MASTL: variants seen among roughly 807,000 people sequenced by gnomAD.
MASTL encodes the protein microtubule associated serine/threonine kinase like.
MASTL carries 54 observed loss-of-function variants against 82.5 expected under a neutral mutation model. The ratio of observed to expected loss-of-function variants is 0.65; its 90% CI spans 0.53 to 0.82. The LOEUF is 0.82. MASTL is among the 40% of genes least tolerant of loss of function. The pLI, the probability that MASTL is intolerant of heterozygous loss-of-function variation, is 0.00. For synonymous variants in MASTL, 323 were observed against 368.9 expected, an observed-to-expected ratio of 0.88 and a Z score of 1.43; for missense variants, 950 against 1,047.8, an observed-to-expected ratio of 0.91 and a Z score of 1.29.
chr10:27,161,559 A>G (rs1206062669), intron 4 of MASTL, among the ~76,000 whole-genome samples: 1 of 152,040 alleles, frequency 6.6e-6, no homozygotes, highest in Non-Finnish European at 1.5e-5. Context: ...AAAAAAAATG[A>G]AAAGTCTAAC....
rs578061926 is a variant in MASTL at position 27,166,625 on chromosome 10, A to G, written c.812-477A>G. 2.0e-5 allele frequency among the ~76,000 whole-genome samples: 3 copies of G among 152,190 alleles called. No individual in the cohort carries two copies. In the South Asian group the frequency reaches 6.2e-4, roughly 32 times the overall value. On this transcript the variant is annotated intron_variant, in intron 6 of 11. Coordinates refer to ENST00000375940, the MANE Select transcript of MASTL (RefSeq NM_001172303.3). ...CCCATCTCTAGAAAAAATTAAAAGC[A>G]TTAGCCAGATTTGGTGGTCCTCACG...
At chr10:27,163,114 AC>A (rs1424839880) in intron 4 of MASTL, among the ~76,000 whole-genome samples, 2 of 152,016 alleles carry the variant, frequency 1.3e-5, no homozygotes, top group East Asian at 3.9e-4. Flanking sequence ...ACACAGTTTC[AC>A]CATGTTGGCC....
At position 27,159,403 on chromosome 10, in the gene MASTL, G is replaced by A. The variant is rs945493769; in HGVS notation, c.325-216G>A. Among the ~76,000 whole-genome samples, 4 of 152,226 alleles carry A rather than the reference G, an allele frequency of 2.6e-5. No individual in the cohort carries two copies. Among genetic ancestry groups the A allele is most frequent in the South Asian group, 2.1e-4 (1 of 4,822 alleles). On this transcript the variant is annotated intron_variant, in intron 2 of 11. Coordinates refer to ENST00000375940, the MANE Select transcript of MASTL (RefSeq NM_001172303.3). This position sits in a 1 kb window ranked among gnomAD's most constrained non-coding sequence, Gnocchi z 4.0. The stretch of plus-strand genomic sequence containing the variant: ...CTCCCAAAGTGCTGAGATTATAGGC[G>A]TGAGTCACTGTGCCCAGCCTAAACA...
In MASTL at chr10:27,170,107, G is replaced by A. The variant is rs758121637; in HGVS notation, c.1148G>A (p.Arg383His). The A allele has an allele frequency of 1.1e-5, 17 of 1,614,092 alleles. No homozygotes were observed. Among genetic ancestry groups the A allele is most frequent in the Middle Eastern group, 1.6e-4 (1 of 6,062 alleles). Residue 383 changes from arginine to histidine, a missense_variant, in exon 8 of 12, where the codon CGC (arginine) becomes CAC (histidine). Arg to His is a conservative substitution (Grantham distance 29). Coordinates refer to ENST00000375940, the MANE Select transcript of MASTL (RefSeq NM_001172303.3). ...AGCAGTGCCCTTCCCACCACTGGACGCTCTTGTGTAAACCTTGCTAAAAAA... is the reference window on the plus strand; with the variant it reads ...AGCAGTGCCCTTCCCACCACTGGACACTCTTGTGTAAACCTTGCTAAAAAA... ...HNSSALPTTG[R>H]SCVNLAKKCF...
intron 9 of MASTL, among the ~76,000 whole-genome samples, chr10:27,179,875 T>C (rs757905016): frequency 1.3e-5 from 2 of 152,206 alleles, no homozygotes; most frequent in African/African-American, 2.4e-5. Context: ...TTTCCTGATA[T>C]GAAATTGAGT....
chr10:27,177,263 C>T (rs1205262494), intron 9 of MASTL, among the ~76,000 whole-genome samples: 1 of 152,272 alleles, frequency 6.6e-6, no homozygotes, highest in South Asian at 2.1e-4. Flanking sequence ...GTTCCTCTTT[C>T]TCGCTTAGCC....
intron 3 of MASTL, among the ~76,000 whole-genome samples, chr10:27,160,165 T>C: frequency 7.8e-6 from 1 of 127,962 alleles, no homozygotes; most frequent in South Asian, 2.8e-4. Flanking sequence ...TTGGCTTTTT[T>C]TTTTTTTTTT....
chr10:27,184,182 A>G (rs1483999155), intron 11 of MASTL, among the ~76,000 whole-genome samples: 1 of 152,196 alleles, frequency 6.6e-6, no homozygotes, highest in Non-Finnish European at 1.5e-5. Flanking sequence ...CAGACACAAC[A>G]TAATGTCATG....
rs756835266 is a variant in MASTL, at chr10:27,170,100, A to C, written c.1141A>C (p.Thr381Pro). The C allele has an allele frequency of 1.2e-6, 2 of 1,614,038 alleles. No homozygotes were observed. The highest frequency in any genetic ancestry group is 4.5e-5 in the East Asian group (2 of 44,894). The stretch of plus-strand genomic sequence containing the variant: ...TCATAACAGCAGTGCCCTTCCCACC[A>C]CTGGACGCTCTTGTGTAAACCTTGC... ...PIHNSSALPT[T>P]GRSCVNLAKK... The change falls in exon 8 of 12, where the codon ACT (threonine) becomes CCT (proline). Residue 381 changes from threonine to proline, a missense_variant. Physicochemically the swap from Thr to Pro is conservative, Grantham distance 38 (BLOSUM62 -1). Coordinates refer to ENST00000375940, the MANE Select transcript of MASTL (RefSeq NM_001172303.3).
At chr10:27,180,151 C>T (rs1416025010) in intron 9 of MASTL, among the ~76,000 whole-genome samples, 1 of 151,998 alleles carries the variant, frequency 6.6e-6, no homozygotes, top group Non-Finnish European at 1.5e-5. Context: ...GGGCTGATGG[C>T]GTGGGCAATA....
intron 9 of MASTL, among the ~76,000 whole-genome samples, chr10:27,176,624 GTA>G: frequency 6.6e-6 from 1 of 152,174 alleles, no homozygotes; most frequent in East Asian, 1.9e-4. Flanking sequence ...CAGTTTCCTA[GTA>G]TCTTCCAGTC....
intron 8 of MASTL, among the ~76,000 whole-genome samples, chr10:27,171,586 C>A (rs1160461960): frequency 6.6e-6 from 1 of 151,494 alleles, no homozygotes; most frequent in Non-Finnish European, 1.5e-5. Context: ...GGGCCCACCA[C>A]CACACCTGGC....
chr10:27,183,796 C>A (rs1267151633), intron 11 of MASTL, among the ~76,000 whole-genome samples: 1 of 152,034 alleles, frequency 6.6e-6, no homozygotes, highest in Non-Finnish European at 1.5e-5. Context: ...CGGCTCACTG[C>A]AACTTTCTGG....
chr10:27,172,117 A>G (rs968832669), intron 8 of MASTL, among the ~76,000 whole-genome samples: 1 of 152,026 alleles, frequency 6.6e-6, no homozygotes. Context: ...ATGAGCCACC[A>G]TGCCCAGCGA....
intron 11 of MASTL, among the ~76,000 whole-genome samples, chr10:27,183,963 TG>T (rs1475993621): frequency 3.3e-5 from 5 of 152,016 alleles, no homozygotes; most frequent in Non-Finnish European, 5.9e-5. Context: ...CCGCCCACCT[TG>T]GCCTCCCTAA....
chr10:27,184,761 A>G (rs1461937260), intron 11 of MASTL, among the ~76,000 whole-genome samples: 3 of 151,668 alleles, frequency 2.0e-5, no homozygotes, highest in Non-Finnish European at 4.4e-5. Flanking sequence ...GGGTTTCACC[A>G]TGTTGGCCAG....
intron 1 of MASTL, among the ~76,000 whole-genome samples, chr10:27,158,175 C>T (rs1002205144): frequency 6.6e-6 from 1 of 152,112 alleles, no homozygotes; most frequent in Non-Finnish European, 1.5e-5. Flanking sequence ...TATGTGTTCT[C>T]TCTGTTAGCG....
chr10:27,180,461 G>T (rs898556113), intron 9 of MASTL, among the ~76,000 whole-genome samples: 1 of 151,898 alleles, frequency 6.6e-6, no homozygotes, highest in Non-Finnish European at 1.5e-5. Context: ...GCGTGATCTC[G>T]GCTCACTGCA....
At chr10:27,157,650 T>C (rs7068288) in intron 1 of MASTL, among the ~76,000 whole-genome samples, 15,328 of 152,212 alleles carry the variant, frequency 0.1, 2,525 homozygotes, top group African/African-American at 0.35. Flanking sequence ...TTTATTTATG[T>C]ATTTTTAATT....
Sources: gnomAD v4.1 joint callset for allele counts (sites outside exome capture counted in the v4.1 genomes callset) on GRCh38, gnomAD v4.1.1 for gene constraint, Gnocchi (gnomAD v3.1) non-coding constraint, MANE v1.5 for transcripts, NCBI Gene and HGNC (gene_info 2026-07-23, HGNC 2026-07-21) for gene names.